ASTN2: variants seen among roughly 807,000 people sequenced by gnomAD.
ASTN2 encodes astrotactin-2.
A neutral mutation model predicts 139.8 loss-of-function variants in ASTN2; 54 were observed. The observed-to-expected ratio is 0.39, with a 90% CI of 0.31 to 0.48. ASTN2 has a LOEUF of 0.48. Ranked by LOEUF, ASTN2 falls within the 20% of genes least tolerant of loss-of-function variation. The pLI, the probability that ASTN2 is intolerant of heterozygous loss-of-function variation, is 0.95. For missense variants in ASTN2, 1,565 were observed against 1,725.1 expected (o/e 0.91, Z 1.64); for synonymous variants, 756 against 719.5 (o/e 1.05, Z -0.81).
chr9:116,690,837 T>A (rs992519131), intron 16 of ASTN2, among the ~76,000 whole-genome samples: 1 of 152,168 alleles, frequency 6.6e-6, no homozygotes, highest in Non-Finnish European at 1.5e-5. Context: ...TATAAAAAAA[T>A]GCCTGACAAT....
intron 3 of ASTN2, among the ~76,000 whole-genome samples, chr9:117,175,900 A>T (rs1201102055): frequency 6.6e-6 from 1 of 152,128 alleles, no homozygotes; most frequent in East Asian, 1.9e-4. Context: ...CAAAATTAGG[A>T]AATGATTTTC....
intron 16 of ASTN2, chr9:116,687,206 GC>G: frequency 9.9e-7 from 1 of 1,010,882 alleles, no homozygotes; most frequent in East Asian, 9.1e-5. Context: ...GCCTTGCCCC[GC>G]GCGCTTGGGG....
At chr9:117,256,399 T>A (rs1833687724) in intron 2 of ASTN2, among the ~76,000 whole-genome samples, 1 of 152,212 alleles carries the variant, frequency 6.6e-6, no homozygotes, top group South Asian at 2.1e-4. Context: ...CAGATTTTAC[T>A]ATATCTCACA....
intron 3 of ASTN2, among the ~76,000 whole-genome samples, chr9:117,205,358 G>A (rs1831882019): frequency 6.6e-6 from 1 of 152,130 alleles, no homozygotes; most frequent in Non-Finnish European, 1.5e-5. Flanking sequence ...CCAAGTCATG[G>A]GGTAGGTATT....
intron 22 of ASTN2, among the ~76,000 whole-genome samples, chr9:116,435,033 C>A (rs1406007193): frequency 6.6e-6 from 1 of 152,202 alleles, no homozygotes; most frequent in African/African-American, 2.4e-5. Flanking sequence ...CTGGAAAAAA[C>A]TCTTATCCCT....
chr9:117,209,971 G>T (rs190293769), intron 3 of ASTN2, among the ~76,000 whole-genome samples: 122 of 152,142 alleles, frequency 8.0e-4, no homozygotes, highest in African/African-American at 2.8e-3. Flanking sequence ...AGTGAAGGAA[G>T]AAATTAAGAA....
intron 19 of ASTN2, among the ~76,000 whole-genome samples, chr9:116,601,382 G>C (rs1854890579): frequency 6.6e-6 from 1 of 152,196 alleles, no homozygotes; most frequent in Admixed American, 6.5e-5. Flanking sequence ...TATTTATTGA[G>C]TGCCCATGGT....
At chr9:117,201,340 T>C (rs765720841) in intron 3 of ASTN2, among the ~76,000 whole-genome samples, 14 of 152,078 alleles carry the variant, frequency 9.2e-5, no homozygotes, top group Non-Finnish European at 1.9e-4. Context: ...ATTCGTTCAG[T>C]TTTTGGAGGG....
At position 116,487,457 on chromosome 9, in the gene ASTN2, G is replaced by T; in HGVS notation, c.3399C>A (p.Gly1133=). 6.2e-7 allele frequency: 1 copy of T among 1,613,998 alleles called. No homozygotes were observed. The highest frequency in any genetic ancestry group is 8.5e-7 in the Non-Finnish European group (1 of 1,179,980). Residue 1133 remains glycine, a synonymous_variant, in exon 20 of 23, where the codon GGC becomes GGA. Transcript: ENST00000313400. The part of the protein sequence containing the change: ...SFADDLLSGL[G]TSCVAAGRSH... ...TTCGACCAGCTGCTACACAAGATGT[G>T]CCCAGGCCAGAGAGTAAGTCATCAG...
chr9:117,355,189 A>G (rs192851280), intron 1 of ASTN2, among the ~76,000 whole-genome samples: 12 of 152,300 alleles, frequency 7.9e-5, no homozygotes, highest in African/African-American at 2.4e-4. Flanking sequence ...CAGATAGTGA[A>G]TAGTCAGCAA....
At chr9:116,510,222 T>C (rs1222738845) in intron 19 of ASTN2, among the ~76,000 whole-genome samples, 1 of 152,232 alleles carries the variant, frequency 6.6e-6, no homozygotes, top group Non-Finnish European at 1.5e-5. Context: ...GCTTTCTGCA[T>C]ATGGCTAGCC....
At chr9:117,325,195 T>C (rs968160992) in intron 1 of ASTN2, among the ~76,000 whole-genome samples, 1 of 152,170 alleles carries the variant, frequency 6.6e-6, no homozygotes, top group African/African-American at 2.4e-5. Flanking sequence ...AGGGAGAGGC[T>C]GATGACAGGC....
chr9:116,598,164 A>G (rs1854684296), intron 19 of ASTN2, among the ~76,000 whole-genome samples: 2 of 152,178 alleles, frequency 1.3e-5, no homozygotes. Flanking sequence ...CTCATCTCAG[A>G]TGGCTCCAGG....
rs371953413 is a variant in ASTN2, at chr9:117,353,759, C to T, written c.442+60738G>A. The stretch of plus-strand genomic sequence containing the variant: ...TGCTTTCTGAAAACCCCACTAAATA[C>T]GACCCTTAAATGCATATTACTAAGT... On this transcript the variant is annotated intron_variant, in intron 1 of 22. Coordinates refer to ENST00000313400, the MANE Select transcript of ASTN2 (RefSeq NM_001365068.1). 7.3e-4 allele frequency among the ~76,000 whole-genome samples: 111 copies of T among 152,220 alleles called. 2 individuals carry two copies. Among genetic ancestry groups the T allele is most frequent in the South Asian group, 5.4e-3 (26 of 4,822 alleles).
chr9:117,256,548 G>C (rs948514013), intron 2 of ASTN2, among the ~76,000 whole-genome samples: 2 of 152,108 alleles, frequency 1.3e-5, no homozygotes, highest in Non-Finnish European at 2.9e-5. Context: ...AGAAGAGGCT[G>C]GACTTGAACT....
intron 1 of ASTN2, among the ~76,000 whole-genome samples, chr9:117,360,436 G>C (rs1829659825): frequency 6.6e-6 from 1 of 152,024 alleles, no homozygotes; most frequent in African/African-American, 2.4e-5. Flanking sequence ...GAGAATTTAA[G>C]GACAAACAGA....
intron 16 of ASTN2, among the ~76,000 whole-genome samples, chr9:116,690,502 T>C (rs1328897162): frequency 6.6e-6 from 1 of 152,214 alleles, no homozygotes; most frequent in Non-Finnish European, 1.5e-5. Flanking sequence ...GCCCTTAAAG[T>C]AGATCATTGT....
intron 19 of ASTN2, chr9:116,568,941 T>G (rs1035768357): frequency 6.6e-6 from 1 of 152,146 alleles, no homozygotes. Context: ...GAGGCCTTTT[T>G]TTACTCTGAC....
chr9:116,814,560 A>G (rs975070879), intron 12 of ASTN2, among the ~76,000 whole-genome samples: 1 of 152,200 alleles, frequency 6.6e-6, no homozygotes, highest in Non-Finnish European at 1.5e-5. Context: ...ACAAGGAAAA[A>G]AAAAAGACTG....
Sources: gnomAD v4.1 joint callset for allele counts (sites outside exome capture counted in the v4.1 genomes callset) on GRCh38, gnomAD v4.1.1 for gene constraint, MANE v1.5 for transcripts, NCBI Gene and HGNC (gene_info 2026-07-23, HGNC 2026-07-21) for gene names.